Variants in TET1 observed in about 807,000 individuals in gnomAD.
TET1 encodes methylcytosine dioxygenase TET1.
In TET1, 13 loss-of-function variants were observed where a neutral mutation model predicts 148.7. That is an observed-to-expected ratio of 0.09 (90% CI 0.06 to 0.14). TET1 has a LOEUF of 0.14. Ranked by LOEUF, TET1 falls within the 10% of genes least tolerant of loss-of-function variation. TET1 has a pLI of 1.00. For missense variants in TET1, 2,182 were observed against 2,553.8 expected (o/e 0.85, Z 3.14); for synonymous variants, 907 against 937.2 (o/e 0.97, Z 0.59).
At chr10:68,665,409 CCT>C (rs1205098616) in intron 6 of TET1, among the ~76,000 whole-genome samples, 1 of 152,022 alleles carries the variant, frequency 6.6e-6, no homozygotes, top group African/African-American at 2.4e-5. Context: ...AATTTATACT[CCT>C]CTGCATATAG....
rs148248636 is a variant in TET1 at position 68,573,982 on chromosome 10, C to T, written c.1644C>T (p.Val548=). 74 of 1,614,162 alleles carry T rather than the reference C, an allele frequency of 4.6e-5. No homozygotes were observed. In the African/African-American group the frequency reaches 8.4e-4, roughly 18 times the overall value. Residue 548 remains valine, a synonymous_variant, in exon 2 of 12, where the codon GTC becomes GTT. Coordinates refer to ENST00000373644, the MANE Select transcript of TET1 (RefSeq NM_030625.3). ...PSKSDRGSSQ[V]SVTSTVHVVN... ...AATCAGACAGAGGGAGCTCCCAGGT[C>T]AGTGTAACCAGCACAGTTCATGTTG...
At chr10:68,665,281 TAC>T (rs58374790) in intron 6 of TET1, among the ~76,000 whole-genome samples, 111,646 of 150,994 alleles carry the variant, frequency 0.74, 42,292 homozygotes, top group East Asian at 0.84. Flanking sequence ...AGTTTACACA[TAC>T]ACACACACAC....
chr10:68,662,781 T>C (rs991198332), intron 6 of TET1, among the ~76,000 whole-genome samples: 9 of 152,120 alleles, frequency 5.9e-5, no homozygotes, highest in African/African-American at 1.9e-4. Context: ...CAAGCACCTG[T>C]AGTTCTAGCT....
At chr10:68,605,566 T>G (rs868378182) in intron 3 of TET1, among the ~76,000 whole-genome samples, 44 of 152,224 alleles carry the variant, frequency 2.9e-4, no homozygotes, top group South Asian at 1.0e-3. Context: ...AAGGCTGGAG[T>G]GCAGTGGTGC....
chr10:68,676,346 C>T (rs561516626), intron 8 of TET1, among the ~76,000 whole-genome samples: 3 of 130,338 alleles, frequency 2.3e-5, no homozygotes, highest in South Asian at 5.1e-4. Context: ...TGCAGTGGCG[C>T]GATCTCATCT....
At chr10:68,575,792 T>C (rs9663699) in intron 2 of TET1, among the ~76,000 whole-genome samples, 74,542 of 151,216 alleles carry the variant, frequency 0.49, 18,983 homozygotes, top group East Asian at 0.56. Context: ...GAGGCCGAGG[T>C]GGGCCGATCA....
chr10:68,649,405 G>A (rs574144443), intron 4 of TET1, among the ~76,000 whole-genome samples: 2 of 152,146 alleles, frequency 1.3e-5, no homozygotes, highest in Admixed American at 6.6e-5. Context: ...CAGGAGATGA[G>A]ACCATCCTGG....
chr10:68,691,308 C>T lies in TET1; in HGVS notation c.5905C>T (p.Pro1969Ser), dbSNP rs1237482244. 2 of 1,614,072 alleles carry T rather than the reference C, an allele frequency of 1.2e-6. No homozygotes were observed. Among genetic ancestry groups the T allele is most frequent in the Admixed American group, 1.7e-5 (1 of 59,998 alleles). ...EDEQHSEADE[P>S]PSDEPLSDDP... ...TGAGCAGCATTCTGAAGCAGATGAG[C>T]CTCCATCAGACGAACCCCTATCTGA... is the stretch of plus-strand genomic sequence containing the variant. The change falls in exon 12 of 12, where the codon CCT becomes TCT. Residue 1969 changes from proline to serine, a missense_variant. Pro to Ser is a moderately conservative substitution (Grantham distance 74, BLOSUM62 -1). Transcript: ENST00000373644. This position sits in a 1 kb window ranked among gnomAD's most constrained non-coding sequence, Gnocchi z 4.4.
intron 3 of TET1, among the ~76,000 whole-genome samples, chr10:68,612,749 C>G (rs1353210742): frequency 2.0e-5 from 3 of 152,068 alleles, no homozygotes; most frequent in African/African-American, 7.2e-5. Flanking sequence ...CCCCAAGTAG[C>G]TGGGACTACA....
chr10:68,657,854 A>G (rs985241642), intron 6 of TET1, among the ~76,000 whole-genome samples: 9 of 152,190 alleles, frequency 5.9e-5, no homozygotes, highest in African/African-American at 2.2e-4. Context: ...TTTTAAAACA[A>G]TTTTAAAAAA....
rs761821309 is a variant in TET1, at chr10:68,572,580, G to C, written c.242G>C (p.Arg81Pro). ...CTTCTGACAAGAGCTGGAGCAGCAC[G>C]CATGAATTTGGATAGGACTGAGGTT... ...RSLLTRAGAA[R>P]MNLDRTEVLF... The change falls in exon 2 of 12, where the codon CGC becomes CCC. Residue 81 changes from arginine to proline, a missense_variant. Physicochemically the swap from Arg to Pro is moderately radical, Grantham distance 103 (BLOSUM62 -2). Transcript: ENST00000373644. 40 of 1,614,136 alleles carry C rather than the reference G, an allele frequency of 2.5e-5. 1 individual carries two copies. In the South Asian group the frequency reaches 3.8e-4, roughly 16 times the overall value.
Position 68,646,076 on chromosome 10 carries a change from A to G in TET1, c.3347A>G (p.Tyr1116Cys). 2 of 1,614,152 alleles carry G rather than the reference A, an allele frequency of 1.2e-6. No homozygotes were observed. The highest frequency in any genetic ancestry group is 1.7e-6 in the Non-Finnish European group (2 of 1,180,022). Residue 1116 changes from tyrosine to cysteine, a missense_variant, in exon 4 of 12, where the codon TAC becomes TGC. Around this residue, in one of 11 missense-constraint regions of TET1, gnomAD observed 582 missense variants for 599.5 expected, o/e 0.97. Transcript: ENST00000373644. ...SLVTCNVQQK[Y>C]NQEKGTIQQK... ...GTCACATGTAATGTACAGCAAAAAT[A>G]CAATCAGGAGAAGGGCACAATACAA... is the stretch of plus-strand genomic sequence containing the variant.
chr10:68,622,164 CCCTTCCTTCCTTCCTTCCTTCCTTCCTT>C (rs1198639936), intron 3 of TET1, among the ~76,000 whole-genome samples: 1,292 of 124,070 alleles, frequency 0.01, 20 homozygotes, highest in African/African-American at 0.041. Flanking sequence ...GATACCTATG[CCCTTCCTTCCTTCCTTCCTTCCTTCCTT>C]CCTTCCTTCC....
intron 6 of TET1, among the ~76,000 whole-genome samples, chr10:68,665,827 A>G (rs148679164): frequency 1.3e-5 from 2 of 152,162 alleles, no homozygotes; most frequent in East Asian, 1.9e-4. Context: ...CCTAAAGCCA[A>G]CTCTACTCAA....
intron 10 of TET1, among the ~76,000 whole-genome samples, chr10:68,684,214 G>A (rs929082460): frequency 2.6e-5 from 4 of 152,010 alleles, no homozygotes; most frequent in Non-Finnish European, 4.4e-5. Flanking sequence ...ATAAGACCCC[G>A]TCTCTTTAAA....
chr10:68,661,744 C>T (rs950701919), intron 6 of TET1, among the ~76,000 whole-genome samples: 4 of 151,990 alleles, frequency 2.6e-5, no homozygotes, highest in African/African-American at 9.7e-5. Context: ...CTTGGCCTCT[C>T]AATGTGTTGG....
In TET1 at chr10:68,573,324, T is replaced by A; in HGVS notation, c.986T>A (p.Phe329Tyr). ...ACGTCTCCTACCTCTGTAATAAAAT[T>A]CCTCTTGGCAGGCTCAAAACAAGCG... is the stretch of plus-strand genomic sequence containing the variant. The part of the protein sequence containing the change: ...GSTSPTSVIK[F>Y]LLAGSKQATL... The change falls in exon 2 of 12, where the codon TTC (phenylalanine) becomes TAC (tyrosine). Residue 329 changes from phenylalanine (F) to tyrosine (Y), a missense_variant. Physicochemically the swap from Phe to Tyr is conservative, Grantham distance 22. This residue lies in a region of TET1 where 665 missense variants were observed against 672.4 expected (regional missense o/e 0.99). Transcript: ENST00000373644. The A allele has an allele frequency of 1.9e-6, 3 of 1,614,086 alleles. No individual in the cohort carries two copies. The East Asian group carries it at 6.7e-5, about 36-fold the overall frequency.
chr10:68,676,254 ATATATATATATATAT>A (rs1361400717), intron 8 of TET1, among the ~76,000 whole-genome samples: 1 of 36,814 alleles, frequency 2.7e-5, no homozygotes, highest in African/African-American at 1.3e-4. Flanking sequence ...ATATATATAT[ATATATATATATATAT>A]TTTTTTTTTT....
intron 3 of TET1, among the ~76,000 whole-genome samples, chr10:68,625,216 C>T (rs1455913609): frequency 1.3e-5 from 2 of 152,218 alleles, no homozygotes; most frequent in Non-Finnish European, 2.9e-5. Context: ...TTTGCCCGCT[C>T]CTGGCAAGGG....
Sources: gnomAD v4.1 joint callset for allele counts (sites outside exome capture counted in the v4.1 genomes callset) on GRCh38, gnomAD v4.1.1 for gene constraint, gnomAD v4.1.1 regional missense constraint, Gnocchi (gnomAD v3.1) non-coding constraint, MANE v1.5 for transcripts, NCBI Gene and HGNC (gene_info 2026-07-23, HGNC 2026-07-21) for gene names.